Variants in SLC35D1 observed in about 807,000 individuals in gnomAD.
SLC35D1 encodes solute carrier family 35 member D1.
A neutral mutation model predicts 46.7 loss-of-function variants in SLC35D1; 31 were observed. That is an observed-to-expected ratio of 0.66 (90% confidence interval 0.50 to 0.90). The LOEUF is 0.90. Ranked by LOEUF, SLC35D1 falls within the 40% of genes least tolerant of loss-of-function variation. SLC35D1 has a pLI of 0.00. For synonymous variants in SLC35D1, 195 were observed against 164.6 expected (o/e 1.18, Z -1.41); for missense variants, 397 against 426.2 (o/e 0.93, Z 0.60).
At chr1:66,994,627 G>C (rs1313571970), downstream of SLC35D1, among the ~76,000 whole-genome samples, 1 of 149,884 alleles carries the variant, frequency 6.7e-6, no homozygotes, top group African/African-American at 2.5e-5. Context: ...CTGGGCGACA[G>C]AGCGAGACTC....
At chr1:67,014,670 G>GTTTTTTTTTTT (rs34459732) in intron 10 of SLC35D1, among the ~76,000 whole-genome samples, 13 of 99,962 alleles carry the variant, frequency 1.3e-4, no homozygotes, top group Admixed American at 4.0e-4. Flanking sequence ...TCAATTTTTA[G>GTTTTTTTTTTT]TTTTTTTTTT....
the SLC35D1 span, chr1:66,981,635 A>G: frequency 1.7e-6 from 1 of 602,986 alleles, no homozygotes; most frequent in East Asian, 2.9e-5. Context: ...AAATATTCAG[A>G]TCCTGGTATG....
downstream of SLC35D1, among the ~76,000 whole-genome samples, chr1:66,995,582 A>G (rs1667231284): frequency 6.6e-6 from 1 of 151,712 alleles, no homozygotes; most frequent in Non-Finnish European, 1.5e-5. Context: ...AGCCTATTTC[A>G]GATAGGCTGG....
rs1645324742 is a variant in SLC35D1, at chr1:67,052,847, G to A, written c.248C>T (p.Thr83Ile). The change falls in exon 3 of 12, where the codon ACA becomes ATA. Residue 83 changes from threonine to isoleucine, a missense_variant. Coordinates refer to ENST00000235345, the MANE Select transcript of SLC35D1 (RefSeq NM_015139.3). ...CTTTCCCACCCAGAGAACTGCCACT[G>A]TGGCCACCATCTGTAAACAAGAGAA... Reference protein sequence around the residue: ...LCVGLGQMVATVAVLWVGKAL... With the variant: ...LCVGLGQMVAIVAVLWVGKAL... The A allele has an allele frequency of 1.2e-6, 2 of 1,613,958 alleles. No homozygotes were observed. Among genetic ancestry groups the A allele is most frequent in the Non-Finnish European group, 1.7e-6 (2 of 1,180,022 alleles).
chr1:67,029,890 T>A (rs1252188631), intron 8 of SLC35D1, among the ~76,000 whole-genome samples: 2 of 152,244 alleles, frequency 1.3e-5, no homozygotes, highest in Admixed American at 6.5e-5. Flanking sequence ...TTGCCCTGTT[T>A]CCTGCGCCCC....
At chr1:67,051,449 G>T (rs1364590132) in intron 4 of SLC35D1, among the ~76,000 whole-genome samples, 1 of 152,236 alleles carries the variant, frequency 6.6e-6, no homozygotes, top group Non-Finnish European at 1.5e-5. Flanking sequence ...TAGAGGGAAA[G>T]ACAGTGTTAC....
chr1:67,010,742 GAGCA>G (rs1161851427), intron 10 of SLC35D1, among the ~76,000 whole-genome samples: 1 of 152,050 alleles, frequency 6.6e-6, no homozygotes. Context: ...TTAGATTTTG[GAGCA>G]AGCATTTTGG....
the SLC35D1 span, among the ~76,000 whole-genome samples, chr1:66,978,173 G>A: frequency 1.3e-5 from 2 of 148,696 alleles, no homozygotes; most frequent in Admixed American, 1.3e-4. Flanking sequence ...TCCAGCCTGG[G>A]CAACAGAGCG....
intron 8 of SLC35D1, among the ~76,000 whole-genome samples, chr1:67,037,653 C>G (rs1668151250): frequency 6.6e-6 from 1 of 152,172 alleles, no homozygotes; most frequent in Admixed American, 6.5e-5. Context: ...TTGAGGCAAC[C>G]ATTCCCCATT....
intron 4 of SLC35D1, 97 bp from the exon 5 acceptor site, chr1:67,050,601 A>C: frequency 1.1e-6 from 1 of 943,654 alleles, no homozygotes; most frequent in Non-Finnish European, 1.7e-6. Context: ...CTATTCTTCC[A>C]TTATGGAAAT....
chr1:67,022,519 C>T (rs1485846626), intron 8 of SLC35D1, among the ~76,000 whole-genome samples: 1 of 152,194 alleles, frequency 6.6e-6, no homozygotes, highest in Non-Finnish European at 1.5e-5. Flanking sequence ...CCTTCCTGAT[C>T]AAGTACTCCT....
intron 11 of SLC35D1, among the ~76,000 whole-genome samples, chr1:67,008,677 T>C (rs1667500414): frequency 6.6e-6 from 1 of 152,176 alleles, no homozygotes; most frequent in Non-Finnish European, 1.5e-5. Context: ...GACAATGAGA[T>C]ACCCATTCCA....
chr1:66,984,439 A>T, the SLC35D1 span: 1 of 635,506 alleles, frequency 1.6e-6, no homozygotes, highest in Non-Finnish European at 2.6e-6. Flanking sequence ...GCTTATAAGT[A>T]ATAGAGCAAG....
chr1:67,009,112 C>T lies in SLC35D1; in HGVS notation c.932G>A (p.Trp311Ter), dbSNP rs137853111. Residue 311 changes from tryptophan to a stop codon, truncating the protein, a stop_gained, in exon 11 of 12, where the codon TGG (tryptophan) becomes TAG (stop). Coordinates refer to ENST00000235345, the MANE Select transcript of SLC35D1 (RefSeq NM_015139.3). LOFTEE classifies it high-confidence loss of function. ...GATATTTAAACCAATGAAGTTTGTCCACGTGAAAATATAATCTCCACCAAA... is the reference window on the plus strand; with the variant it reads ...GATATTTAAACCAATGAAGTTTGTCTACGTGAAAATATAATCTCCACCAAA... ...MVFGGDYIFT[W>*]TNFIGLNISI... is the part of the protein sequence containing the mutation. The T allele has an allele frequency of 3.3e-6, 5 of 1,514,496 alleles. No individual in the cohort carries two copies. Among genetic ancestry groups the T allele is most frequent in the Non-Finnish European group, 4.6e-6 (5 of 1,093,182 alleles). The allele number at this position is 1,514,496 out of a possible 1,614,324, so 93.8% of individuals were successfully genotyped here. A position where few individuals can be genotyped will look rare whatever the true frequency, so the allele number is the denominator to read the frequency against.
chr1:67,030,009 GTT>G (rs112700204), intron 8 of SLC35D1, among the ~76,000 whole-genome samples: 1 of 144,268 alleles, frequency 6.9e-6, no homozygotes, highest in Admixed American at 6.9e-5. Context: ...TTTGCACTAA[GTT>G]TTTTTTTTTT....
At chr1:67,015,231 A>T (rs758823684) in intron 10 of SLC35D1, among the ~76,000 whole-genome samples, 94 of 151,318 alleles carry the variant, frequency 6.2e-4, no homozygotes, top group Non-Finnish European at 1.1e-3. Context: ...AAAAAAACAA[A>T]AATAAAAAAT....
intron 7 of SLC35D1, 33 bp from the exon 8 acceptor site, chr1:67,042,361 C>T (rs540821635): frequency 3.5e-5 from 56 of 1,588,934 alleles, no homozygotes; most frequent in Admixed American, 1.0e-4. Context: ...GTTTCATCTG[C>T]GTTTTGTTCT....
intron 10 of SLC35D1, among the ~76,000 whole-genome samples, chr1:67,011,981 T>C (rs1347581476): frequency 6.6e-6 from 1 of 152,242 alleles, no homozygotes; most frequent in African/African-American, 2.4e-5. Context: ...TGAGGTTCTC[T>C]TGTCATTTTG....
At chr1:66,979,362 A>G in the SLC35D1 span, among the ~76,000 whole-genome samples, 3 of 152,206 alleles carry the variant, frequency 2.0e-5, no homozygotes, top group Non-Finnish European at 2.9e-5. Flanking sequence ...GTCAAAATCC[A>G]TAATTCAGAG....
Sources: allele counts gnomAD v4.1 joint callset (sites outside exome capture counted in the v4.1 genomes callset), GRCh38; gene constraint gnomAD v4.1.1; transcripts MANE v1.5; gene names NCBI Gene and HGNC (gene_info 2026-07-23, HGNC 2026-07-21).